The following NRCAM variants were observed in gnomAD, a reference collection of about 807,000 sequenced individuals.
The protein encoded by NRCAM is neuronal cell adhesion molecule.
In NRCAM, 83 loss-of-function variants were observed where a neutral mutation model predicts 156.5. The ratio of observed to expected loss-of-function variants is 0.53; its 90% CI spans 0.44 to 0.64. The LOEUF is 0.64. Among genes scored for constraint, NRCAM ranks in the 30% least tolerant of loss-of-function variants. The pLI is 0.00. For synonymous variants in NRCAM, 538 were observed against 563.9 expected, an observed-to-expected ratio of 0.95 and a Z score of 0.65; for missense variants, 1,417 against 1,597.3, an observed-to-expected ratio of 0.89 and a Z score of 1.92.
chr7:108,320,609 ATAAAT>A (rs1346708633), intron 2 of NRCAM, among the ~76,000 whole-genome samples: 1 of 152,240 alleles, frequency 6.6e-6, no homozygotes, highest in Non-Finnish European at 1.5e-5. Flanking sequence ...ATTTGATTAA[ATAAAT>A]TATATTAAAC....
intron 2 of NRCAM, among the ~76,000 whole-genome samples, chr7:108,361,972 T>G (rs1016652542): frequency 2.6e-5 from 4 of 152,084 alleles, no homozygotes; most frequent in African/African-American, 9.7e-5. Flanking sequence ...TTCAATTGAG[T>G]TGAAAACGTA....
intron 1 of NRCAM, among the ~76,000 whole-genome samples, chr7:108,406,824 A>G (rs2099808783): frequency 6.6e-6 from 1 of 152,198 alleles, no homozygotes; most frequent in African/African-American, 2.4e-5. Flanking sequence ...CCAGTCATTT[A>G]TTCAAATCAC....
intron 3 of NRCAM, among the ~76,000 whole-genome samples, chr7:108,280,272 C>T (rs187902040): frequency 5.9e-5 from 9 of 152,336 alleles, no homozygotes; most frequent in Admixed American, 4.6e-4. Context: ...TTCACCAGAA[C>T]AAGCTGCAAT....
rs1358752441 is a variant in NRCAM, at chr7:108,379,769, CAT to C, written c.-174+19665_-174+19666del. Among the ~76,000 whole-genome samples, 3 of 151,804 alleles carry C rather than the reference CAT, an allele frequency of 2.0e-5. No homozygotes were observed. The East Asian group carries it at 5.8e-4, about 29-fold the overall frequency. On this transcript the variant is annotated intron_variant, in intron 2 of 32. Transcript: ENST00000379028. Reference sequence around the variant, plus strand: ...TTTTTAACTCAATATATAAGATAAACATATTAGACACAGCTAAAGAGAGTATT... The same window carrying C: ...TTTTTAACTCAATATATAAGATAAACATTAGACACAGCTAAAGAGAGTATT...
Position 108,148,041 on chromosome 7 carries a change from G to C in NRCAM, c.*1869C>G, listed in dbSNP as rs528570639. On this transcript the variant is annotated 3_prime_UTR_variant, in exon 33 of 33. Transcript: ENST00000379028. ...GAATATAGAGACATGAAAGTATTTA[G>C]GGCCATCTTTACCTGGGATTACTTT... 3 of 152,706 alleles carry C rather than the reference G, an allele frequency of 2.0e-5. No individual in the cohort carries two copies. Among genetic ancestry groups the C allele is most frequent in the Admixed American group, 1.3e-4 (2 of 15,296 alleles). 9.5% of individuals were successfully genotyped at this position (152,706 alleles called of 1,614,324 possible). A position where few individuals can be genotyped will look rare whatever the true frequency, so the allele number is the denominator to read the frequency against.
chr7:108,336,347 A>G (rs1032823770), intron 2 of NRCAM, among the ~76,000 whole-genome samples: 4 of 152,242 alleles, frequency 2.6e-5, no homozygotes, highest in African/African-American at 7.2e-5. Context: ...CGCAGTGTTT[A>G]CAAAAATAAA....
intron 10 of NRCAM, among the ~76,000 whole-genome samples, chr7:108,225,424 A>G (rs1423404571): frequency 6.6e-6 from 1 of 152,214 alleles, no homozygotes; most frequent in Non-Finnish European, 1.5e-5. Context: ...AAACAGTTAC[A>G]ACAGGTTTCA....
intron 13 of NRCAM, among the ~76,000 whole-genome samples, chr7:108,198,581 G>A (rs1285578202): frequency 6.6e-6 from 1 of 152,014 alleles, no homozygotes; most frequent in Non-Finnish European, 1.5e-5. Context: ...AAGAGATTGT[G>A]GTTATTTAGG....
chr7:108,207,693 GAATCA>G (rs2081902259), intron 12 of NRCAM, 34 bp from the exon 13 acceptor site: 1 of 1,566,506 alleles, frequency 6.4e-7, no homozygotes, highest in African/African-American at 1.4e-5. Context: ...CCAAAAATCT[GAATCA>G]AATAAGCATT....
chr7:108,426,797 G>T (rs7799296), intron 1 of NRCAM, among the ~76,000 whole-genome samples: 145,255 of 152,344 alleles, frequency 0.95, 69,306 homozygotes, highest in East Asian at 1. Flanking sequence ...TAAATATTGA[G>T]GGAAGTGGGT....
At chr7:108,394,210 T>A (rs2099770447) in intron 2 of NRCAM, among the ~76,000 whole-genome samples, 1 of 152,134 alleles carries the variant, frequency 6.6e-6, no homozygotes, top group African/African-American at 2.4e-5. Context: ...AGGAAGGACC[T>A]AAGTGAGCCA....
chr7:108,171,687 G>T (rs185469913), intron 28 of NRCAM, among the ~76,000 whole-genome samples: 2,988 of 152,148 alleles, frequency 0.02, 52 homozygotes, highest in Middle Eastern at 0.034. Flanking sequence ...TTCTAGTTTA[G>T]CGTCAATTTA....
chr7:108,182,215 A>T (rs1197170249), intron 23 of NRCAM, among the ~76,000 whole-genome samples: 1 of 152,168 alleles, frequency 6.6e-6, no homozygotes, highest in Admixed American at 6.5e-5. Flanking sequence ...GATTTTTTAA[A>T]AAGTACAATT....
chr7:108,432,669 G>A (rs140717041), intron 1 of NRCAM, among the ~76,000 whole-genome samples: 23 of 152,336 alleles, frequency 1.5e-4, no homozygotes, highest in African/African-American at 5.3e-4. Flanking sequence ...TCGGGAGGCC[G>A]AGGAGGGCAG....
intron 3 of NRCAM, among the ~76,000 whole-genome samples, chr7:108,282,343 A>T (rs1393398773): frequency 1.3e-5 from 2 of 152,178 alleles, no homozygotes; most frequent in East Asian, 3.9e-4. Context: ...TTTCTCTTTA[A>T]AGAAAGAAAT....
chr7:108,388,146 A>T (rs1340078326), intron 2 of NRCAM, among the ~76,000 whole-genome samples: 1 of 152,136 alleles, frequency 6.6e-6, no homozygotes, highest in African/African-American at 2.4e-5. Context: ...TGACTTCCAC[A>T]ATGGTTGAAC....
chr7:108,396,690 T>C (rs1169580733), intron 2 of NRCAM, among the ~76,000 whole-genome samples: 1 of 152,250 alleles, frequency 6.6e-6, no homozygotes, highest in East Asian at 1.9e-4. Context: ...AGATCACCTG[T>C]AAATATGACT....
At chr7:108,280,446 A>G (rs571011476) in intron 3 of NRCAM, among the ~76,000 whole-genome samples, 82 of 152,370 alleles carry the variant, frequency 5.4e-4, no homozygotes, top group Non-Finnish European at 9.8e-4. Flanking sequence ...ATGCTATTCA[A>G]TTGTGCTACA....
At chr7:108,328,882 G>C (rs1429604782) in intron 2 of NRCAM, among the ~76,000 whole-genome samples, 1 of 152,100 alleles carries the variant, frequency 6.6e-6, no homozygotes. Flanking sequence ...ATGGCCATCT[G>C]GGTTTTTATT....
Sources: allele counts gnomAD v4.1 joint callset (sites outside exome capture counted in the v4.1 genomes callset), GRCh38; gene constraint gnomAD v4.1.1; transcripts MANE v1.5; gene names NCBI Gene and HGNC (gene_info 2026-07-23, HGNC 2026-07-21).